Variants in GABRA3 observed in about 807,000 individuals in gnomAD.
GABRA3 encodes gamma-aminobutyric acid receptor subunit alpha-3.
In GABRA3, 10 loss-of-function variants were observed where a neutral mutation model predicts 30.1. That is an observed-to-expected ratio of 0.33 (90% CI 0.20 to 0.56). GABRA3 has a LOEUF of 0.56. Ranked by LOEUF, GABRA3 falls within the 20% of genes least tolerant of loss-of-function variation. The pLI is 0.89. For synonymous variants in GABRA3, 151 were observed against 146.8 expected, an observed-to-expected ratio of 1.03 and a Z score of -0.21; for missense variants, 233 against 392.0, an observed-to-expected ratio of 0.59 and a Z score of 3.42.
chrX:152,225,404 GCACACACACA>G (rs1179857954), intron 5 of GABRA3, among the ~76,000 whole-genome samples: 2 of 74,708 alleles, frequency 2.7e-5, no homozygotes, highest in Non-Finnish European at 4.8e-5. Flanking sequence ...CCACACACAC[GCACACACACA>G]CACGCACACA....
chrX:152,323,492 A>G (rs1198865710), intron 3 of GABRA3, among the ~76,000 whole-genome samples: 3 of 111,435 alleles, frequency 2.7e-5, no homozygotes, highest in African/African-American at 9.8e-5. Context: ...TATTACATAA[A>G]AGTAAGGACT....
At chrX:152,296,704 T>TC (rs1303417252) in intron 3 of GABRA3, among the ~76,000 whole-genome samples, 1 of 94,832 alleles carries the variant, frequency 1.1e-5, no homozygotes, top group Non-Finnish European at 2.2e-5. Context: ...TTTCTTTCTC[T>TC]TTTTTTTTTT....
chrX:152,342,349 CT>C (rs1378645568), intron 3 of GABRA3, among the ~76,000 whole-genome samples: 1 of 111,933 alleles, frequency 8.9e-6, no homozygotes, highest in Non-Finnish European at 1.9e-5. Context: ...AAGTCAGAAT[CT>C]TTTGACCAGT....
rs1023102326 is a variant in GABRA3 at position 152,347,996 on chromosome X, A to AAAAT, written c.141-2298_141-2295dup. On this transcript the variant is annotated intron_variant, in intron 2 of 9. Coordinates refer to ENST00000370314, the MANE Select transcript of GABRA3 (RefSeq NM_000808.4). ...TGGGCAACAGAGCAAGACCCTGTCT[A>AAAAT]AAATAAATAAATAAATAAATAAAAA... Among the ~76,000 whole-genome samples, 42 of 111,686 alleles carry AAAAT rather than the reference A, an allele frequency of 3.8e-4. 1 individual carries two copies. The highest frequency in any genetic ancestry group is 1.4e-3 in the Admixed American group (15 of 10,476).
chrX:152,381,714 C>A (rs1929149779), intron 1 of GABRA3, among the ~76,000 whole-genome samples: 1 of 109,183 alleles, frequency 9.2e-6, no homozygotes, highest in Non-Finnish European at 1.9e-5. Context: ...CCCCACCCAC[C>A]AACGGGCCCT....
chrX:152,197,819 T>C (rs372499432), intron 7 of GABRA3, 34 bp from the exon 8 acceptor site: 24 of 1,089,139 alleles, frequency 2.2e-5, no homozygotes, highest in Admixed American at 2.4e-5. Flanking sequence ...AGTATGTAGC[T>C]ACATAAACAT....
chrX:152,314,870 A>C (rs1388628345), intron 3 of GABRA3, among the ~76,000 whole-genome samples: 2 of 112,184 alleles, frequency 1.8e-5, no homozygotes, highest in Non-Finnish European at 3.8e-5. Context: ...ATGAAGTAGA[A>C]ATTTTTGGCC....
At chrX:152,391,499 G>A (rs888376382) in intron 1 of GABRA3, among the ~76,000 whole-genome samples, 2 of 111,251 alleles carry the variant, frequency 1.8e-5, no homozygotes, top group Non-Finnish European at 3.8e-5. Flanking sequence ...GGCAATGGTA[G>A]GAGACACCAT....
At chrX:152,387,503 G>C (rs911799383) in intron 1 of GABRA3, among the ~76,000 whole-genome samples, 1 of 111,523 alleles carries the variant, frequency 9.0e-6, no homozygotes. Flanking sequence ...TGTTATAGCT[G>C]TTGACTTAGT....
At chrX:152,321,351 T>C (rs1428119702) in intron 3 of GABRA3, among the ~76,000 whole-genome samples, 2 of 111,838 alleles carry the variant, frequency 1.8e-5, no homozygotes, top group Non-Finnish European at 3.8e-5. Context: ...TCAGTGCTTT[T>C]TATTACGGTA....
intron 9 of GABRA3, among the ~76,000 whole-genome samples, chrX:152,184,037 T>G (rs1359643342): frequency 2.7e-5 from 3 of 111,379 alleles, no homozygotes; most frequent in Non-Finnish European, 5.7e-5. Flanking sequence ...CTTTAATTTA[T>G]TTTCCTACTT....
At chrX:152,177,261 T>C (rs1277957366) in intron 9 of GABRA3, among the ~76,000 whole-genome samples, 1 of 111,447 alleles carries the variant, frequency 9.0e-6, no homozygotes, top group African/African-American at 3.3e-5. Context: ...AAGAAGCTGC[T>C]GGGGCAGAAT....
intron 9 of GABRA3, among the ~76,000 whole-genome samples, chrX:152,187,047 T>C (rs760076733): frequency 8.9e-6 from 1 of 112,157 alleles, no homozygotes; most frequent in South Asian, 3.7e-4. Context: ...AAGCTGTATA[T>C]CACTGATTGC....
At position 152,345,566 on chromosome X, in the gene GABRA3, C is replaced by T. The variant is rs201638770; in HGVS notation, c.262+15G>A. 34 of 1,191,507 alleles carry T rather than the reference C, an allele frequency of 2.9e-5. No homozygotes were observed. The highest frequency in any genetic ancestry group is 4.9e-5 in the Admixed American group (2 of 40,649). On this transcript the variant is annotated intron_variant, in intron 3 of 9. Transcript: ENST00000370314. ...AAGATCTGAAAAGGACTTCAAAGAT[C>T]TTAAAAGGACTGACCTCCAAGCCCA...
intron 1 of GABRA3, among the ~76,000 whole-genome samples, chrX:152,412,871 TA>T (rs1963885875): frequency 1.8e-5 from 2 of 111,003 alleles, no homozygotes; most frequent in Non-Finnish European, 3.8e-5. Flanking sequence ...TAATAAAACC[TA>T]AGAGACATGT....
intron 4 of GABRA3, among the ~76,000 whole-genome samples, chrX:152,276,365 G>A (rs181452724): frequency 1.8e-5 from 2 of 111,708 alleles, no homozygotes; most frequent in Admixed American, 1.9e-4. Flanking sequence ...ATGACAATAC[G>A]AAGCATTAGC....
intron 3 of GABRA3, among the ~76,000 whole-genome samples, chrX:152,298,582 C>G (rs1221708314): frequency 9.0e-6 from 1 of 110,797 alleles, no homozygotes; most frequent in African/African-American, 3.3e-5. Context: ...GCATAGTGTT[C>G]CATGGTGTAT....
intron 1 of GABRA3, chrX:152,389,222 T>C (rs923857342): frequency 1.8e-5 from 2 of 112,108 alleles, no homozygotes; most frequent in African/African-American, 6.5e-5. Context: ...AAGAAGACCA[T>C]AGCACATAAA....
intron 7 of GABRA3, among the ~76,000 whole-genome samples, chrX:152,203,602 C>T (rs1937509001): frequency 8.9e-6 from 1 of 111,808 alleles, no homozygotes; most frequent in African/African-American, 3.3e-5. Context: ...TCTCACTGTG[C>T]TAAAATCAGG....
Sources: gnomAD v4.1 joint callset for allele counts (sites outside exome capture counted in the v4.1 genomes callset) on GRCh38, gnomAD v4.1.1 for gene constraint, MANE v1.5 for transcripts, NCBI Gene and HGNC (gene_info 2026-07-23, HGNC 2026-07-21) for gene names.